Variants in XPR1 observed in about 807,000 individuals in gnomAD.
XPR1 encodes xenotropic and polytropic retrovirus receptor 1.
In XPR1, 28 loss-of-function variants were observed where a neutral mutation model predicts 87.5. The observed-to-expected ratio is 0.32, with a 90% CI of 0.24 to 0.44. The LOEUF is 0.44. Ranked by LOEUF, XPR1 falls within the 20% of genes least tolerant of loss-of-function variation. The pLI, the probability that XPR1 is intolerant of heterozygous loss-of-function variation, is 1.00. For missense variants in XPR1, 559 were observed against 862.3 expected, an observed-to-expected ratio of 0.65 and a Z score of 4.41; for synonymous variants, 300 against 306.1, an observed-to-expected ratio of 0.98 and a Z score of 0.21.
intron 1 of XPR1, among the ~76,000 whole-genome samples, chr1:180,659,385 TTCCTTCCTTCCTTCCTTCCTTCCTTCC>T (rs1557943672): frequency 0.015 from 304 of 20,308 alleles, 7 homozygotes; most frequent in African/African-American, 0.03. Flanking sequence ...CCTTCCGTCC[TTCCTTCCTTCCTTCCTTCCTTCCTTCC>T]TTCCTTCCTT....
At chr1:180,733,388 C>A (rs932197178) in intron 2 of XPR1, among the ~76,000 whole-genome samples, 5 of 152,154 alleles carry the variant, frequency 3.3e-5, no homozygotes, top group Non-Finnish European at 7.4e-5. Flanking sequence ...TTGGCTCTTT[C>A]CAAATTACAA....
intron 2 of XPR1, among the ~76,000 whole-genome samples, chr1:180,705,320 A>G (rs911024942): frequency 6.6e-6 from 1 of 152,184 alleles, no homozygotes; most frequent in Non-Finnish European, 1.5e-5. Flanking sequence ...AAGAGGTGCA[A>G]TCAGTGAAAT....
At chr1:180,738,597 T>C (rs1045532305) in intron 2 of XPR1, among the ~76,000 whole-genome samples, 2 of 152,344 alleles carry the variant, frequency 1.3e-5, no homozygotes, top group Middle Eastern at 3.4e-3. Flanking sequence ...CATCACAATC[T>C]TAAGGTTACA....
intron 11 of XPR1, among the ~76,000 whole-genome samples, chr1:180,844,538 A>T (rs1651615611): frequency 6.6e-6 from 1 of 152,220 alleles, no homozygotes; most frequent in South Asian, 2.1e-4. Flanking sequence ...GTTTTATAAT[A>T]TAATACAGTA....
chr1:180,722,678 GATC>G (rs1271873134), intron 2 of XPR1, among the ~76,000 whole-genome samples: 1 of 152,128 alleles, frequency 6.6e-6, no homozygotes, highest in Non-Finnish European at 1.5e-5. Flanking sequence ...AAAACTAAAT[GATC>G]ATCAAAACAC....
At chr1:180,659,622 G>A (rs1483232072) in intron 1 of XPR1, among the ~76,000 whole-genome samples, 8 of 116,296 alleles carry the variant, frequency 6.9e-5, no homozygotes, top group Non-Finnish European at 1.2e-4. Context: ...GGGTTCAAGC[G>A]ATTCTCCTGC....
chr1:180,743,660 A>G (rs1553243678), intron 2 of XPR1, among the ~76,000 whole-genome samples: 1 of 152,038 alleles, frequency 6.6e-6, no homozygotes, highest in Non-Finnish European at 1.5e-5. Context: ...TCCTTTAACA[A>G]TTTTTTTAGA....
chr1:180,731,861 G>A (rs1039304005), intron 2 of XPR1, among the ~76,000 whole-genome samples: 5 of 152,132 alleles, frequency 3.3e-5, no homozygotes, highest in Admixed American at 2.6e-4. Context: ...GGACAGCACA[G>A]ATCTAGAGCT....
At chr1:180,680,954 G>A (rs1656556674) in intron 1 of XPR1, among the ~76,000 whole-genome samples, 1 of 152,170 alleles carries the variant, frequency 6.6e-6, no homozygotes, top group African/African-American at 2.4e-5. Context: ...AATAAGCCAG[G>A]AACAGAAAGT....
At chr1:180,742,187 T>G (rs12090251) in intron 2 of XPR1, among the ~76,000 whole-genome samples, 6,499 of 152,106 alleles carry the variant, frequency 0.043, 491 homozygotes, top group African/African-American at 0.15. Context: ...AATATTTGCT[T>G]TTGGGTTCAT....
At chr1:180,647,287 A>G (rs764354304) in intron 1 of XPR1, among the ~76,000 whole-genome samples, 1 of 152,220 alleles carries the variant, frequency 6.6e-6, no homozygotes, top group Non-Finnish European at 1.5e-5. Flanking sequence ...GCTTTACACT[A>G]CTGTAGATTT....
chr1:180,836,150 G>C (rs1651282521), intron 10 of XPR1, among the ~76,000 whole-genome samples: 1 of 152,118 alleles, frequency 6.6e-6, no homozygotes, highest in African/African-American at 2.4e-5. Flanking sequence ...CTTGAGGTCA[G>C]AAGTTTGAGA....
rs538994031 is a variant in XPR1, at chr1:180,687,130, A to G, written c.121+4719A>G. On this transcript the variant is annotated intron_variant, in intron 2 of 14. Transcript: ENST00000367590. ...ATGAAATTCCATAGAAGCTGAACTG[A>G]TTCCTTACCCTGAGTAAGTTGCTTT... 2.6e-5 allele frequency among the ~76,000 whole-genome samples: 4 copies of G among 152,280 alleles called. No homozygotes were observed. The South Asian group carries it at 6.2e-4, about 24-fold the overall frequency.
intron 3 of XPR1, among the ~76,000 whole-genome samples, chr1:180,792,845 T>C (rs1649436988): frequency 6.6e-6 from 1 of 152,098 alleles, no homozygotes. Flanking sequence ...TCAAACCAGT[T>C]TGCCTTTTCT....
At chr1:180,730,373 A>G (rs1658509950) in intron 2 of XPR1, among the ~76,000 whole-genome samples, 2 of 152,204 alleles carry the variant, frequency 1.3e-5, no homozygotes, top group Admixed American at 1.3e-4. Context: ...AGAAGGATTT[A>G]TAGAGAAACC....
intron 3 of XPR1, among the ~76,000 whole-genome samples, chr1:180,796,077 G>A (rs542273263): frequency 6.6e-6 from 1 of 152,148 alleles, no homozygotes; most frequent in Non-Finnish European, 1.5e-5. Context: ...AAAAGTGCTG[G>A]GATTACAGGC....
intron 12 of XPR1, among the ~76,000 whole-genome samples, chr1:180,866,727 A>G (rs1340870836): frequency 2.0e-5 from 3 of 152,186 alleles, no homozygotes; most frequent in African/African-American, 7.2e-5. Flanking sequence ...TAAATTTATC[A>G]TAATCATCAG....
At position 180,786,098 on chromosome 1, in the gene XPR1, T is replaced by C. The variant is rs1197746168; in HGVS notation, c.122-1655T>C. 1.3e-5 allele frequency among the ~76,000 whole-genome samples: 2 copies of C among 152,010 alleles called. 1 individual carries two copies. Among genetic ancestry groups the C allele is most frequent in the Non-Finnish European group, 2.9e-5 (2 of 67,968 alleles). On this transcript the variant is annotated intron_variant, in intron 2 of 14. Coordinates refer to ENST00000367590, the MANE Select transcript of XPR1 (RefSeq NM_004736.4). The stretch of plus-strand genomic sequence containing the variant: ...GTGGCCATCCTGTTTTACTCTAGAA[T>C]CAATACAACATCCTGCATTATCTGA...
At chr1:180,755,486 A>G (rs1647698888) in intron 2 of XPR1, among the ~76,000 whole-genome samples, 2 of 152,186 alleles carry the variant, frequency 1.3e-5, no homozygotes, top group South Asian at 4.1e-4. Flanking sequence ...TCTACCAGCT[A>G]CTTCAGTTAC....
Sources: gnomAD v4.1 joint callset for allele counts (sites outside exome capture counted in the v4.1 genomes callset) on GRCh38, gnomAD v4.1.1 for gene constraint, MANE v1.5 for transcripts, NCBI Gene and HGNC (gene_info 2026-07-23, HGNC 2026-07-21) for gene names.